Variants in BNC2 observed in about 807,000 individuals in gnomAD.
BNC2 encodes the protein basonuclin zinc finger protein 2, also known as zinc finger protein basonuclin-2.
BNC2 carries 20 observed loss-of-function variants against 76.3 expected under a neutral mutation model. The ratio of observed to expected loss-of-function variants is 0.26; its 90% CI spans 0.18 to 0.38. The LOEUF is 0.38. Among genes scored for constraint, BNC2 ranks in the 10% least tolerant of loss-of-function variants. BNC2 has a pLI of 1.00. For synonymous variants in BNC2, 582 were observed against 514.8 expected (o/e 1.13, Z -1.77); for missense variants, 1,382 against 1,399.8 (o/e 0.99, Z 0.20).
At chr9:16,721,978 C>T (rs998151425) in intron 3 of BNC2, among the ~76,000 whole-genome samples, 9 of 152,176 alleles carry the variant, frequency 5.9e-5, no homozygotes, top group Non-Finnish European at 1.2e-4. Flanking sequence ...GAATCATTAG[C>T]TATTCACGTT....
intron 3 of BNC2, among the ~76,000 whole-genome samples, chr9:16,672,985 T>C (rs1028729221): frequency 7.9e-5 from 12 of 152,152 alleles, no homozygotes; most frequent in African/African-American, 2.9e-4. Flanking sequence ...AATCAAATAG[T>C]AAATAATGAC....
chr9:16,701,420 T>C (rs1366997319), intron 3 of BNC2, among the ~76,000 whole-genome samples: 1 of 152,250 alleles, frequency 6.6e-6, no homozygotes, highest in Non-Finnish European at 1.5e-5. Context: ...CTTCCATGAA[T>C]GCTTTTGTAA....
intron 4 of BNC2, among the ~76,000 whole-genome samples, chr9:16,577,358 T>C (rs1201574746): frequency 1.3e-5 from 2 of 151,844 alleles, no homozygotes; most frequent in East Asian, 3.9e-4. Context: ...AAAAATTATA[T>C]CCAGTGAATA....
intron 5 of BNC2, among the ~76,000 whole-genome samples, chr9:16,506,158 T>C (rs145913318): frequency 4.4e-4 from 67 of 152,282 alleles, no homozygotes; most frequent in African/African-American, 1.6e-3. Context: ...TTTTTACCTT[T>C]TTAATGGTCA....
At chr9:16,695,485 A>C (rs1393419765) in intron 3 of BNC2, among the ~76,000 whole-genome samples, 1 of 151,586 alleles carries the variant, frequency 6.6e-6, no homozygotes, top group African/African-American at 2.4e-5. Flanking sequence ...CGTGCCCTGC[A>C]ATTTAGCTGA....
intron 3 of BNC2, among the ~76,000 whole-genome samples, chr9:16,584,022 A>G (rs1297369294): frequency 1.3e-5 from 2 of 152,234 alleles, no homozygotes; most frequent in Non-Finnish European, 2.9e-5. Flanking sequence ...CTCCCGGACT[A>G]CAGTTAATAA....
At chr9:16,577,904 A>T (rs967743381) in intron 4 of BNC2, among the ~76,000 whole-genome samples, 1 of 152,198 alleles carries the variant, frequency 6.6e-6, no homozygotes, top group Admixed American at 6.5e-5. Flanking sequence ...AGTCAAAGAA[A>T]AAAAAAGAAA....
intron 3 of BNC2, among the ~76,000 whole-genome samples, chr9:16,697,633 G>T (rs999970899): frequency 1.3e-5 from 2 of 150,856 alleles, no homozygotes; most frequent in African/African-American, 4.9e-5. Context: ...AGAGGCACAA[G>T]AATTGCTTAA....
At chr9:16,830,013 A>T (rs1818545395) in intron 1 of BNC2, among the ~76,000 whole-genome samples, 1 of 152,222 alleles carries the variant, frequency 6.6e-6, no homozygotes, top group Non-Finnish European at 1.5e-5. Flanking sequence ...GACTATGTAT[A>T]AAAATATTCA....
At chr9:16,520,494 G>A (rs1332279594) in intron 5 of BNC2, among the ~76,000 whole-genome samples, 1 of 152,224 alleles carries the variant, frequency 6.6e-6, no homozygotes, top group Non-Finnish European at 1.5e-5. Flanking sequence ...GCAGGTAGTT[G>A]CATGCACAGA....
At chr9:16,603,911 C>A (rs1000254645) in intron 3 of BNC2, among the ~76,000 whole-genome samples, 6 of 151,778 alleles carry the variant, frequency 4.0e-5, no homozygotes, top group African/African-American at 1.5e-4. Context: ...TGTCACAGTA[C>A]TGCTTAAAAT....
intron 3 of BNC2, among the ~76,000 whole-genome samples, chr9:16,722,717 T>C (rs947974185): frequency 6.6e-6 from 1 of 152,204 alleles, no homozygotes; most frequent in African/African-American, 2.4e-5. Flanking sequence ...TTTTAACATA[T>C]ACAAAATACA....
chr9:16,464,650 G>A (rs567943440), intron 5 of BNC2, among the ~76,000 whole-genome samples: 6 of 151,970 alleles, frequency 3.9e-5, no homozygotes, highest in South Asian at 4.2e-4. Context: ...TTTTTGTCTC[G>A]GGTTCAAGCA....
At chr9:16,493,120 A>C (rs1822312254) in intron 5 of BNC2, among the ~76,000 whole-genome samples, 1 of 152,160 alleles carries the variant, frequency 6.6e-6, no homozygotes, top group Non-Finnish European at 1.5e-5. Context: ...TTTTCACGTA[A>C]GTCCTATTTC....
intron 5 of BNC2, among the ~76,000 whole-genome samples, chr9:16,527,063 C>CAG (rs1463884346): frequency 6.6e-6 from 1 of 152,116 alleles, no homozygotes; most frequent in Non-Finnish European, 1.5e-5. Context: ...ACTTCAGGAA[C>CAG]AGAGAGAGGA....
chr9:16,687,924 G>A lies in BNC2; in HGVS notation c.330+39873C>T, dbSNP rs549938403. ...ATAAAGGTCTGTGAGTAAGTTGGGA[G>A]GAAATGGTGGCAAACTACCAGTATG... On this transcript the variant is annotated intron_variant, in intron 3 of 6. Transcript: ENST00000380672. 7.2e-5 allele frequency among the ~76,000 whole-genome samples: 11 copies of A among 152,266 alleles called. No homozygotes were observed. The South Asian group carries it at 2.1e-3, about 29-fold the overall frequency.
chr9:16,702,218 T>C (rs897768008), intron 3 of BNC2, among the ~76,000 whole-genome samples: 2 of 152,160 alleles, frequency 1.3e-5, no homozygotes, highest in African/African-American at 4.8e-5. Context: ...GTGGTCTTAG[T>C]TCCATGATTA....
At chr9:16,746,520 CGCCCG>C (rs1825010303) in intron 1 of BNC2, among the ~76,000 whole-genome samples, 1 of 151,896 alleles carries the variant, frequency 6.6e-6, no homozygotes, top group East Asian at 2.0e-4. Flanking sequence ...TGTGCCACCA[CGCCCG>C]GCTAATTTTT....
At chr9:16,727,731 G>T in intron 3 of BNC2, 66 bp downstream of exon 3, 3 of 1,345,330 alleles carry the variant, frequency 2.2e-6, no homozygotes, top group Non-Finnish European at 3.1e-6. Flanking sequence ...AGAAACAAAA[G>T]TGCCCATAAC....
Sources: gnomAD v4.1 joint callset for allele counts (sites outside exome capture counted in the v4.1 genomes callset) on GRCh38, gnomAD v4.1.1 for gene constraint, MANE v1.5 for transcripts, NCBI Gene and HGNC (gene_info 2026-07-23, HGNC 2026-07-21) for gene names.